Variants in RNF212B observed in about 807,000 individuals in gnomAD.
RNF212B encodes the protein E3 ubiquitin-protein ligase RNF212B.
RNF212B carries 52 observed loss-of-function variants against 55.5 expected under a neutral mutation model. That is an observed-to-expected ratio of 0.94 (90% CI 0.75 to 1.18). The LOEUF is 1.18. Among genes scored for constraint, RNF212B ranks in the 50% most tolerant of loss-of-function variants. The pLI is 0.00. For missense variants in RNF212B, 289 were observed against 350.4 expected (o/e 0.82, Z 1.40); for synonymous variants, 99 against 121.4 (o/e 0.82, Z 1.21).
At chr14:23,238,089 C>A (rs1045860348) in intron 1 of RNF212B, among the ~76,000 whole-genome samples, 34 bp downstream of exon 1, 1 of 152,176 alleles carries the variant, frequency 6.6e-6, no homozygotes, top group African/African-American at 2.4e-5. Flanking sequence ...AACTGAGAAG[C>A]TTGAGACGGC....
At chr14:23,249,511 C>T (rs897107817) in intron 4 of RNF212B, among the ~76,000 whole-genome samples, 6 of 152,196 alleles carry the variant, frequency 3.9e-5, no homozygotes, top group South Asian at 4.1e-4. Flanking sequence ...CACCACCATA[C>T]TCCAGCTTGT....
At chr14:23,263,088 A>AT in intron 9 of RNF212B, 118 bp downstream of exon 9, 1 of 894,368 alleles carries the variant, frequency 1.1e-6, no homozygotes, top group Non-Finnish European at 1.7e-6. Flanking sequence ...GTTTAAAGCT[A>AT]GGGTTTTTTT....
intron 2 of RNF212B, among the ~76,000 whole-genome samples, chr14:23,227,854 C>T (rs1021881720): frequency 6.6e-6 from 1 of 152,064 alleles, no homozygotes; most frequent in Non-Finnish European, 1.5e-5. Context: ...CCACCTCAGC[C>T]CCCCGAAGTG....
At chr14:23,268,058 A>G (rs1414892482) in intron 11 of RNF212B, among the ~76,000 whole-genome samples, 1 of 152,192 alleles carries the variant, frequency 6.6e-6, no homozygotes. Context: ...CTCCTTAGGC[A>G]GCCAAACAAG....
chr14:23,196,185 G>T (rs1015643388), intron 2 of RNF212B, among the ~76,000 whole-genome samples: 1 of 152,140 alleles, frequency 6.6e-6, no homozygotes, highest in African/African-American at 2.4e-5. Context: ...AGCCACCATG[G>T]AAAAGTGCCT....
intron 2 of RNF212B, among the ~76,000 whole-genome samples, chr14:23,211,126 G>C (rs1296682182): frequency 6.6e-6 from 1 of 151,950 alleles, no homozygotes; most frequent in Non-Finnish European, 1.5e-5. Flanking sequence ...GCTGAGGCAG[G>C]AGAATTGCTT....
intron 2 of RNF212B, among the ~76,000 whole-genome samples, chr14:23,211,214 T>G: frequency 1.3e-5 from 1 of 79,564 alleles, no homozygotes; most frequent in Non-Finnish European, 2.7e-5. Flanking sequence ...TGAGACTCTG[T>G]CTCAAAAAAA....
upstream of RNF212B, among the ~76,000 whole-genome samples, chr14:23,236,822 G>T (rs561194131): frequency 3.3e-5 from 5 of 151,468 alleles, no homozygotes; most frequent in Admixed American, 1.3e-4. Flanking sequence ...TTTGCCAGTG[G>T]CCTTTATACC....
chr14:23,212,692 C>A (rs1880649199), intron 2 of RNF212B, among the ~76,000 whole-genome samples: 1 of 151,866 alleles, frequency 6.6e-6, no homozygotes, highest in African/African-American at 2.4e-5. Flanking sequence ...CACTATTCTC[C>A]TTTATTTTTT....
Position 23,256,376 on chromosome 14 carries a change from A to ATT in RNF212B, c.229-2161_229-2160dup, listed in dbSNP as rs11448890. 6.2e-3 allele frequency among the ~76,000 whole-genome samples: 910 copies of ATT among 146,544 alleles called. 9 individuals are homozygous for ATT. Among genetic ancestry groups the ATT allele is most frequent in the South Asian group, 0.036 (166 of 4,604 alleles). ...TTTTATTCTGCTTCTCCACTGTTTA[A>ATT]TTTTTTTTTTTTTGAGATGGAGTCT... On this transcript the variant is annotated intron_variant, in intron 4 of 14. Transcript: ENST00000430154.
intron 2 of RNF212B, among the ~76,000 whole-genome samples, chr14:23,202,208 G>A (rs144798060): frequency 1.4e-5 from 2 of 147,978 alleles, no homozygotes; most frequent in East Asian, 2.0e-4. Context: ...CCGAGATTGC[G>A]CAACTGCACT....
chr14:23,269,234 C>T (rs1050036699), intron 12 of RNF212B, among the ~76,000 whole-genome samples: 3 of 152,060 alleles, frequency 2.0e-5, no homozygotes, highest in East Asian at 1.9e-4. Context: ...ATCCAGGAGG[C>T]GGAGGTTGCA....
At chr14:23,250,956 G>A (rs575440750) in intron 4 of RNF212B, among the ~76,000 whole-genome samples, 5 of 152,308 alleles carry the variant, frequency 3.3e-5, no homozygotes, top group African/African-American at 9.6e-5. Context: ...TCAGTGAGCA[G>A]AAGGGTGACT....
intron 2 of RNF212B, chr14:23,229,822 A>T (rs1407163183): frequency 2.0e-5 from 3 of 152,370 alleles, no homozygotes; most frequent in African/African-American, 7.2e-5. Flanking sequence ...GCGCACAGCA[A>T]ATAAAGAAAC....
At chr14:23,235,873 G>A (rs1324681614), upstream of RNF212B, among the ~76,000 whole-genome samples, 1 of 152,162 alleles carries the variant, frequency 6.6e-6, no homozygotes, top group Non-Finnish European at 1.5e-5. Flanking sequence ...TAATTTTAAT[G>A]TAACCGGCTA....
chr14:23,231,134 T>G (rs888937670), intron 2 of RNF212B, among the ~76,000 whole-genome samples: 2 of 152,198 alleles, frequency 1.3e-5, no homozygotes, highest in African/African-American at 2.4e-5. Context: ...TTAGGGTGGA[T>G]TTTTCAATTT....
intron 2 of RNF212B, among the ~76,000 whole-genome samples, chr14:23,229,144 T>C (rs1948400184): frequency 6.7e-6 from 1 of 149,198 alleles, no homozygotes; most frequent in African/African-American, 2.5e-5. Context: ...TTATTTCACT[T>C]AGCATAATTT....
intron 2 of RNF212B, among the ~76,000 whole-genome samples, chr14:23,197,684 C>A (rs1050645618): frequency 7.3e-5 from 11 of 151,710 alleles, no homozygotes; most frequent in African/African-American, 2.7e-4. Context: ...ATACAATGAA[C>A]TCTCATGTAT....
At chr14:23,234,541 C>G (rs1048248038), upstream of RNF212B, among the ~76,000 whole-genome samples, 1 of 152,160 alleles carries the variant, frequency 6.6e-6, no homozygotes, top group African/African-American at 2.4e-5. Flanking sequence ...GATGGCTATT[C>G]AGTTGTCCCA....
Sources: allele counts gnomAD v4.1 joint callset (sites outside exome capture counted in the v4.1 genomes callset), GRCh38; gene constraint gnomAD v4.1.1; transcripts MANE v1.5; gene names NCBI Gene and HGNC (gene_info 2026-07-23, HGNC 2026-07-21).